The following DKK2 variants were observed in gnomAD, a reference collection of about 807,000 sequenced individuals.
The protein encoded by DKK2 is dickkopf-related protein 2.
DKK2 carries 11 observed loss-of-function variants against 28.1 expected under a neutral mutation model. That is an observed-to-expected ratio of 0.39 (90% CI 0.25 to 0.65). DKK2 has a LOEUF of 0.65. Among genes scored for constraint, DKK2 ranks in the 30% least tolerant of loss-of-function variants. The pLI is 0.47. For synonymous variants in DKK2, 135 were observed against 126.5 expected, an observed-to-expected ratio of 1.07 and a Z score of -0.45; for missense variants, 326 against 335.5, an observed-to-expected ratio of 0.97 and a Z score of 0.22.
intron 1 of DKK2, among the ~76,000 whole-genome samples, chr4:106,958,983 C>T (rs1032052675): frequency 6.6e-6 from 1 of 151,876 alleles, no homozygotes; most frequent in Non-Finnish European, 1.5e-5. Context: ...GTGTTATCTC[C>T]ATTCCTTAGA....
intron 1 of DKK2, among the ~76,000 whole-genome samples, chr4:106,964,168 T>C (rs1013550759): frequency 1.3e-5 from 2 of 152,184 alleles, no homozygotes; most frequent in Non-Finnish European, 2.9e-5. Context: ...AGAAGATTAT[T>C]CAGCCATAAA....
At chr4:107,002,929 C>T (rs758298609) in intron 1 of DKK2, among the ~76,000 whole-genome samples, 9 of 152,064 alleles carry the variant, frequency 5.9e-5, no homozygotes, top group Non-Finnish European at 1.0e-4. Flanking sequence ...AATTAGATAA[C>T]ATAAAAAATC....
chr4:106,945,715 CCTCA>C (rs1384685750), intron 1 of DKK2, among the ~76,000 whole-genome samples: 5 of 152,102 alleles, frequency 3.3e-5, no homozygotes, highest in Non-Finnish European at 7.4e-5. Context: ...ACTGCTGAGT[CCTCA>C]ACCATATCCA....
intron 1 of DKK2, among the ~76,000 whole-genome samples, chr4:106,992,183 C>T (rs1036513484): frequency 6.6e-6 from 1 of 152,062 alleles, no homozygotes; most frequent in East Asian, 1.9e-4. Context: ...TGCCCTAAGC[C>T]CCGGAGTCAC....
intron 1 of DKK2, among the ~76,000 whole-genome samples, chr4:107,001,471 A>T (rs909710714): frequency 8.5e-5 from 13 of 152,218 alleles, no homozygotes; most frequent in Non-Finnish European, 1.5e-4. Context: ...TAACTCTCAT[A>T]TGATGATATT....
chr4:107,010,849 T>A lies in DKK2; in HGVS notation c.222+24521A>T, dbSNP rs777634931. On this transcript the variant is annotated intron_variant, in intron 1 of 3. Coordinates refer to ENST00000285311, the MANE Select transcript of DKK2 (RefSeq NM_014421.3). Reference sequence around the variant, plus strand: ...TTACCATATTAGAAAATAAAAAAAATTATTAATTCATTAAAAACCCATAGA... The same window carrying A: ...TTACCATATTAGAAAATAAAAAAAAATATTAATTCATTAAAAACCCATAGA... 4.0e-5 allele frequency among the ~76,000 whole-genome samples: 6 copies of A among 151,134 alleles called. No individual in the cohort carries two copies. In the East Asian group the frequency reaches 5.8e-4, roughly 15 times the overall value.
chr4:107,000,686 AC>A (rs1244975954), intron 1 of DKK2, among the ~76,000 whole-genome samples: 3 of 152,216 alleles, frequency 2.0e-5, no homozygotes, highest in African/African-American at 7.2e-5. Context: ...AAGCCATAAG[AC>A]AAAAAAGAAC....
At chr4:106,932,774 G>C (rs1182112231) in intron 1 of DKK2, among the ~76,000 whole-genome samples, 1 of 152,068 alleles carries the variant, frequency 6.6e-6, no homozygotes, top group African/African-American at 2.4e-5. Flanking sequence ...ACAATCTTAA[G>C]GTCTCTTCCA....
intron 1 of DKK2, among the ~76,000 whole-genome samples, chr4:106,970,808 G>A (rs1028291421): frequency 3.3e-5 from 5 of 152,072 alleles, no homozygotes; most frequent in Non-Finnish European, 7.4e-5. Context: ...TGAACCTAAA[G>A]AGGGGAAAAC....
In DKK2 at chr4:106,956,257, C is replaced by T. The variant is rs189893031; in HGVS notation, c.223-30308G>A. ...CACTGCTCAATGAAATAAAAGGATA[C>T]AAACAAATGGAAGAACATTCCATGC... On this transcript the variant is annotated intron_variant, in intron 1 of 3. Transcript: ENST00000285311. Among the ~76,000 whole-genome samples the T allele has an allele frequency of 9.3e-3, 1,408 of 152,172 alleles. 20 individuals are homozygous for T. The highest frequency in any genetic ancestry group is 0.013 in the Non-Finnish European group (899 of 68,008).
At chr4:106,977,727 G>A (rs1245743263) in intron 1 of DKK2, among the ~76,000 whole-genome samples, 1 of 152,148 alleles carries the variant, frequency 6.6e-6, no homozygotes, top group Admixed American at 6.5e-5. Flanking sequence ...ACCTTCCGAA[G>A]CCTACTTCTG....
At chr4:106,955,108 G>A (rs958993206) in intron 1 of DKK2, among the ~76,000 whole-genome samples, 2 of 152,082 alleles carry the variant, frequency 1.3e-5, no homozygotes, top group African/African-American at 4.8e-5. Context: ...TAATGAACAA[G>A]ACATAATGTA....
At chr4:107,013,930 A>G (rs1388364855) in intron 1 of DKK2, among the ~76,000 whole-genome samples, 1 of 151,454 alleles carries the variant, frequency 6.6e-6, no homozygotes, top group Non-Finnish European at 1.5e-5. Flanking sequence ...ACAAAATGCT[A>G]AACATCAGTA....
At position 107,035,598 on chromosome 4, in the gene DKK2, G is replaced by A. The variant is rs764876687; in HGVS notation, c.-7C>T. The A allele has an allele frequency of 6.8e-6, 11 of 1,613,584 alleles. No homozygotes were observed. Among genetic ancestry groups the A allele is most frequent in the Non-Finnish European group, 9.3e-6 (11 of 1,179,926 alleles). On this transcript the variant is annotated 5_prime_UTR_variant, in exon 1 of 4. Coordinates refer to ENST00000285311, the MANE Select transcript of DKK2 (RefSeq NM_014421.3). Reference sequence around the variant, plus strand: ...TCCGCATCAACGCGGCCATCTCCCGGCGAGGGGGTCCCCAGGAAGACGCAA... The same window carrying A: ...TCCGCATCAACGCGGCCATCTCCCGACGAGGGGGTCCCCAGGAAGACGCAA...
intron 1 of DKK2, among the ~76,000 whole-genome samples, chr4:107,011,231 T>C (rs1232884672): frequency 6.6e-6 from 1 of 151,606 alleles, no homozygotes; most frequent in East Asian, 1.9e-4. Flanking sequence ...GAACATCATA[T>C]AATCTGTGAC....
intron 1 of DKK2, among the ~76,000 whole-genome samples, chr4:107,004,675 T>TG (rs1331286422): frequency 6.6e-6 from 1 of 152,222 alleles, no homozygotes; most frequent in Non-Finnish European, 1.5e-5. Flanking sequence ...CCTGTGAATA[T>TG]ATTACCTTAC....
intron 1 of DKK2, among the ~76,000 whole-genome samples, chr4:106,973,600 ATTTG>A (rs1291577502): frequency 6.6e-6 from 1 of 151,920 alleles, no homozygotes; most frequent in Admixed American, 6.6e-5. Flanking sequence ...TTTCTTGTAA[ATTTG>A]TTTAAGTTCC....
chr4:106,991,440 T>C (rs1723203111), intron 1 of DKK2, among the ~76,000 whole-genome samples: 1 of 152,196 alleles, frequency 6.6e-6, no homozygotes, highest in South Asian at 2.1e-4. Context: ...CACCATGAGG[T>C]GATTCTTCCT....
chr4:107,014,107 A>G lies in DKK2; in HGVS notation c.222+21263T>C, dbSNP rs545162551. Among the ~76,000 whole-genome samples the G allele has an allele frequency of 2.6e-5, 4 of 151,592 alleles. No homozygotes were observed. In the South Asian group the frequency reaches 8.3e-4, roughly 31 times the overall value. On this transcript the variant is annotated intron_variant, in intron 1 of 3. Coordinates refer to ENST00000285311, the MANE Select transcript of DKK2 (RefSeq NM_014421.3). ...CCCTCAGAAAATTAGCAATAGAACT[A>G]TGACATGATACAGCAATTCCATTTC... is the stretch of plus-strand genomic sequence containing the variant.
Sources: gnomAD v4.1 joint callset for allele counts (sites outside exome capture counted in the v4.1 genomes callset) on GRCh38, gnomAD v4.1.1 for gene constraint, MANE v1.5 for transcripts, NCBI Gene and HGNC (gene_info 2026-07-23, HGNC 2026-07-21) for gene names.